PRKCB: variants seen among roughly 807,000 people sequenced by gnomAD.
The protein encoded by PRKCB is protein kinase C beta.
PRKCB carries 13 observed loss-of-function variants against 81.5 expected under a neutral mutation model. The ratio of observed to expected loss-of-function variants is 0.16; its 90% CI spans 0.10 to 0.25. The LOEUF is 0.25. PRKCB is among the 10% of genes least tolerant of loss of function. PRKCB has a pLI of 1.00. For missense variants in PRKCB, 509 were observed against 875.7 expected (o/e 0.58, Z 5.29); for synonymous variants, 335 against 321.4 (o/e 1.04, Z -0.45).
intron 5 of PRKCB, among the ~76,000 whole-genome samples, chr16:24,061,266 G>A (rs546784904): frequency 6.6e-6 from 1 of 152,186 alleles, no homozygotes; most frequent in South Asian, 2.1e-4. Flanking sequence ...TTGCCATGTT[G>A]GCCAGGCTGA....
At chr16:24,095,589 T>C (rs775369718) in intron 7 of PRKCB, among the ~76,000 whole-genome samples, 12 of 152,200 alleles carry the variant, frequency 7.9e-5, no homozygotes, top group Non-Finnish European at 1.6e-4. Flanking sequence ...TAAAGGCTGA[T>C]AATAATCCAT....
At chr16:23,863,476 C>G (rs1245902882) in intron 2 of PRKCB, among the ~76,000 whole-genome samples, 1 of 152,060 alleles carries the variant, frequency 6.6e-6, no homozygotes, top group Non-Finnish European at 1.5e-5. Context: ...GATCAGGACT[C>G]CTTTCCTGTA....
At chr16:23,861,551 A>G (rs1962664307) in intron 2 of PRKCB, among the ~76,000 whole-genome samples, 1 of 152,132 alleles carries the variant, frequency 6.6e-6, no homozygotes, top group Non-Finnish European at 1.5e-5. Context: ...AAGACTTAAC[A>G]CTGTCATCAA....
intron 2 of PRKCB, among the ~76,000 whole-genome samples, chr16:23,841,717 G>A (rs574347024): frequency 2.8e-5 from 4 of 141,166 alleles, no homozygotes; most frequent in East Asian, 2.2e-4. Context: ...GTGCAGTGAC[G>A]TGATCTTAGC....
intron 2 of PRKCB, among the ~76,000 whole-genome samples, chr16:23,928,997 G>T (rs1158282643): frequency 6.6e-6 from 1 of 152,200 alleles, no homozygotes; most frequent in Admixed American, 6.5e-5. Context: ...GATTACAGGC[G>T]TGAGCCACTG....
At chr16:23,954,284 T>A (rs1163482500) in intron 2 of PRKCB, among the ~76,000 whole-genome samples, 1 of 152,126 alleles carries the variant, frequency 6.6e-6, no homozygotes, top group African/African-American at 2.4e-5. Flanking sequence ...CTTAGTGGTG[T>A]CTAGGTCTCT....
chr16:24,195,169 C>G (rs1967859945), intron 16 of PRKCB, among the ~76,000 whole-genome samples: 1 of 150,606 alleles, frequency 6.6e-6, no homozygotes, highest in Non-Finnish European at 1.5e-5. Context: ...CCACTGCACT[C>G]TAGCCTGGGC....
intron 2 of PRKCB, among the ~76,000 whole-genome samples, chr16:23,885,434 G>C (rs926507191): frequency 6.6e-6 from 1 of 152,028 alleles, no homozygotes; most frequent in African/African-American, 2.4e-5. Context: ...TCAGCCTCCC[G>C]AGTAGCTGAG....
intron 2 of PRKCB, among the ~76,000 whole-genome samples, chr16:23,867,824 C>T (rs1275507717): frequency 6.6e-6 from 1 of 152,206 alleles, no homozygotes; most frequent in East Asian, 1.9e-4. Context: ...CTGTGAGCCA[C>T]AGGGAGATTA....
chr16:23,935,263 G>T (rs949200891), intron 2 of PRKCB, among the ~76,000 whole-genome samples: 4 of 152,186 alleles, frequency 2.6e-5, no homozygotes, highest in Non-Finnish European at 4.4e-5. Flanking sequence ...TTCATTAAAG[G>T]CTCTCCAGGT....
chr16:24,134,030 G>A (rs2141937743), intron 9 of PRKCB, among the ~76,000 whole-genome samples: 1 of 151,930 alleles, frequency 6.6e-6, no homozygotes, highest in Admixed American at 6.6e-5. Context: ...CAAGTAGCTG[G>A]GACTACAGGC....
At chr16:23,957,213 A>G (rs1964361351) in intron 2 of PRKCB, among the ~76,000 whole-genome samples, 1 of 152,172 alleles carries the variant, frequency 6.6e-6, no homozygotes, top group South Asian at 2.1e-4. Context: ...TCCAATGTGA[A>G]TAAAGTTGAA....
chr16:24,079,229 G>T (rs377352255), intron 5 of PRKCB, among the ~76,000 whole-genome samples: 3 of 151,826 alleles, frequency 2.0e-5, no homozygotes, highest in African/African-American at 7.3e-5. Flanking sequence ...CTCTCTTTTC[G>T]GACTCAGCCT....
chr16:24,072,779 A>G (rs1007416587), intron 5 of PRKCB, among the ~76,000 whole-genome samples: 3 of 151,902 alleles, frequency 2.0e-5, no homozygotes, highest in African/African-American at 4.8e-5. Context: ...ACGGGGTTTC[A>G]CCATGTTGGC....
chr16:24,209,354 G>A (rs1242009689), intron 16 of PRKCB, among the ~76,000 whole-genome samples: 1 of 152,084 alleles, frequency 6.6e-6, no homozygotes, highest in African/African-American at 2.4e-5. Flanking sequence ...GTGGATGACT[G>A]CGGCAGTCTC....
intron 2 of PRKCB, among the ~76,000 whole-genome samples, chr16:23,966,003 T>C (rs1337333225): frequency 6.6e-6 from 1 of 152,180 alleles, no homozygotes; most frequent in African/African-American, 2.4e-5. Context: ...CATCTGTGAT[T>C]TTACACATTC....
intron 3 of PRKCB, among the ~76,000 whole-genome samples, chr16:23,996,231 G>A (rs1964954964): frequency 6.6e-6 from 1 of 152,208 alleles, no homozygotes; most frequent in African/African-American, 2.4e-5. Flanking sequence ...CTCAGCAGAG[G>A]AGGATTTTAA....
intron 2 of PRKCB, chr16:23,869,086 G>T (rs1434727636): frequency 2.2e-6 from 1 of 453,568 alleles, no homozygotes; most frequent in Non-Finnish European, 4.4e-6. Context: ...TTCACACATG[G>T]CTATGTGACA....
At chr16:23,982,090 CT>C (rs1964734393) in intron 2 of PRKCB, among the ~76,000 whole-genome samples, 1 of 80,590 alleles carries the variant, frequency 1.2e-5, no homozygotes, top group African/African-American at 5.5e-5. Flanking sequence ...TTTCCCTTCC[CT>C]TTCCTTTTCC....
Sources: allele counts gnomAD v4.1 joint callset (sites outside exome capture counted in the v4.1 genomes callset), GRCh38; gene constraint gnomAD v4.1.1; transcripts MANE v1.5; gene names NCBI Gene and HGNC (gene_info 2026-07-23, HGNC 2026-07-21).